Variants in AP2B1 observed in about 807,000 individuals in gnomAD.
AP2B1 encodes the protein adaptor related protein complex 2 subunit beta 1, also known as AP-2 complex subunit beta.
A neutral mutation model predicts 102.0 loss-of-function variants in AP2B1; 23 were observed. That is an observed-to-expected ratio of 0.23 (90% confidence interval 0.16 to 0.32). The LOEUF (loss-of-function observed/expected upper bound fraction) is 0.32. Among genes scored for constraint, AP2B1 ranks in the 10% least tolerant of loss-of-function variants. The pLI, the probability that AP2B1 is intolerant of heterozygous loss-of-function variation, is 1.00. For missense variants in AP2B1, 541 were observed against 1,157.4 expected (o/e 0.47, Z 7.73); for synonymous variants, 381 against 421.2 (o/e 0.90, Z 1.17).
chr17:35,629,042 G>A (rs745658851), intron 9 of AP2B1, among the ~76,000 whole-genome samples: 7 of 151,830 alleles, frequency 4.6e-5, no homozygotes, highest in Admixed American at 1.3e-4. Context: ...TCTGCCTCCC[G>A]GGCTCAAGCG....
At chr17:35,592,653 C>T (rs1268377292) in intron 1 of AP2B1, among the ~76,000 whole-genome samples, 1 of 152,136 alleles carries the variant, frequency 6.6e-6, no homozygotes, top group Non-Finnish European at 1.5e-5. Flanking sequence ...AGCGATTCTC[C>T]TGCCTCAGCC....
chr17:35,670,993 C>A, intron 15 of AP2B1, 95 bp downstream of exon 15: 3 of 1,302,144 alleles, frequency 2.3e-6, no homozygotes, highest in Non-Finnish European at 1.1e-6. Context: ...CTGCTGCTGT[C>A]TAGCACTGCA....
intron 18 of AP2B1, among the ~76,000 whole-genome samples, chr17:35,685,885 C>CT (rs1266954955): frequency 6.6e-6 from 1 of 152,062 alleles, no homozygotes; most frequent in African/African-American, 2.4e-5. Context: ...GCCTTAGCCT[C>CT]TGAGTAGCTG....
At chr17:35,593,344 T>A (rs538593055) in intron 1 of AP2B1, among the ~76,000 whole-genome samples, 2 of 152,330 alleles carry the variant, frequency 1.3e-5, no homozygotes, top group East Asian at 3.9e-4. Context: ...CTTGAGGTGA[T>A]GGATATCCCA....
intron 15 of AP2B1, 75 bp from the exon 16 acceptor site, chr17:35,671,679 A>G: frequency 7.0e-7 from 1 of 1,438,774 alleles, no homozygotes; most frequent in Non-Finnish European, 9.7e-7. Context: ...AACTACTAAG[A>G]TATATAGCAA....
At chr17:35,627,340 A>G (rs2074345657) in intron 7 of AP2B1, 45 bp from the exon 8 acceptor site, 1 of 1,585,726 alleles carries the variant, frequency 6.3e-7, no homozygotes, top group South Asian at 1.1e-5. Flanking sequence ...AGGGTATATC[A>G]GTATATGCCT....
chr17:35,659,743 A>G (rs751897105), intron 14 of AP2B1: 125 of 935,726 alleles, frequency 1.3e-4, no homozygotes, highest in Middle Eastern at 5.4e-4. Flanking sequence ...GGGATCTAAA[A>G]TGGTATCCTT....
intron 5 of AP2B1, among the ~76,000 whole-genome samples, chr17:35,609,104 A>G (rs115757898): frequency 1.1e-3 from 166 of 152,350 alleles, no homozygotes; most frequent in African/African-American, 3.4e-3. Context: ...GTCTAATGCA[A>G]TGTTTACTGA....
chr17:35,627,318 T>A, intron 7 of AP2B1, 67 bp from the exon 8 acceptor site: 1 of 1,244,468 alleles, frequency 8.0e-7, no homozygotes, highest in Non-Finnish European at 1.1e-6. Flanking sequence ...TAGGTATTAA[T>A]ACAGTCTCAG....
At chr17:35,666,218 A>G (rs1171139339) in intron 14 of AP2B1, among the ~76,000 whole-genome samples, 1 of 152,164 alleles carries the variant, frequency 6.6e-6, no homozygotes, top group Admixed American at 6.5e-5. Context: ...ATAAGTTACA[A>G]TAAGTCACCA....
At chr17:35,591,729 G>A (rs1316693896) in intron 1 of AP2B1, among the ~76,000 whole-genome samples, 1 of 152,118 alleles carries the variant, frequency 6.6e-6, no homozygotes, top group Non-Finnish European at 1.5e-5. Context: ...TCTTTTATGT[G>A]AAGAATTCCT....
intron 17 of AP2B1, among the ~76,000 whole-genome samples, chr17:35,679,205 C>T (rs953746120): frequency 1.3e-5 from 2 of 152,150 alleles, no homozygotes; most frequent in African/African-American, 4.8e-5. Context: ...TCCTTCTTTG[C>T]TCTGGTGTAG....
chr17:35,633,965 G>A (rs1018427610), intron 9 of AP2B1, among the ~76,000 whole-genome samples: 4 of 152,090 alleles, frequency 2.6e-5, no homozygotes, highest in Admixed American at 1.3e-4. Context: ...TGGCCAACAC[G>A]GTGAAACCCC....
At chr17:35,636,288 G>C in intron 9 of AP2B1, 53 bp from the exon 10 acceptor site, 1 of 1,259,602 alleles carries the variant, frequency 7.9e-7, no homozygotes, top group Non-Finnish European at 1.1e-6. Flanking sequence ...ATGTTGAGGT[G>C]GTGTTATCGC....
rs2085514570 is a variant in AP2B1 at position 35,726,265 on chromosome 17, GA to G, written c.*2569del. The G allele has an allele frequency of 6.9e-6, 1 of 144,320 alleles. No individual in the cohort carries two copies. Among genetic ancestry groups the G allele is most frequent in the African/African-American group, 2.5e-5 (1 of 39,794 alleles). 8.9% of individuals were successfully genotyped at this position (144,320 alleles called of 1,614,324 possible). On this transcript the variant is annotated 3_prime_UTR_variant, in exon 22 of 22. Transcript: ENST00000610402. ...CTGTGTTGTGAAGCTTGAGACTCTG[GA>G]AAGAAATGGGGAGGGGGGGCAGGGG...
intron 9 of AP2B1, among the ~76,000 whole-genome samples, chr17:35,630,599 T>A (rs2142615721): frequency 6.6e-6 from 1 of 152,320 alleles, no homozygotes; most frequent in East Asian, 1.9e-4. Flanking sequence ...TATATCTTAT[T>A]CTGAAGTTCA....
At chr17:35,667,933 A>AT (rs34486349) in intron 14 of AP2B1, among the ~76,000 whole-genome samples, 29,972 of 120,166 alleles carry the variant, frequency 0.25, 4,206 homozygotes, top group African/African-American at 0.28. Flanking sequence ...CGCTGCTCAA[A>AT]TTTTTTTTTT....
intron 18 of AP2B1, among the ~76,000 whole-genome samples, chr17:35,695,448 T>A (rs1261155566): frequency 6.6e-6 from 1 of 152,118 alleles, no homozygotes; most frequent in African/African-American, 2.4e-5. Context: ...CATAGGTATG[T>A]CACTGGCATA....
At chr17:35,698,098 C>T (rs987320473) in intron 18 of AP2B1, among the ~76,000 whole-genome samples, 4 of 152,160 alleles carry the variant, frequency 2.6e-5, no homozygotes, top group Admixed American at 1.3e-4. Context: ...AAAGGGTAGT[C>T]ATCTAGCACT....
Sources: gnomAD v4.1 joint callset for allele counts (sites outside exome capture counted in the v4.1 genomes callset) on GRCh38, gnomAD v4.1.1 for gene constraint, MANE v1.5 for transcripts, NCBI Gene and HGNC (gene_info 2026-07-23, HGNC 2026-07-21) for gene names.